Variants in OBI1 observed in about 807,000 individuals in gnomAD.
OBI1 encodes the protein ring finger protein 219.
A neutral mutation model predicts 62.4 loss-of-function variants in OBI1; 59 were observed. The observed-to-expected ratio is 0.95, with a 90% CI of 0.77 to 1.17. OBI1 has a LOEUF of 1.17. OBI1 is among the 50% of genes most tolerant of loss of function. The probability of loss-of-function intolerance (pLI) is 0.00; values close to 1 mark genes in which losing one functional copy is unlikely to be tolerated. For missense variants in OBI1, 875 were observed against 830.9 expected, an observed-to-expected ratio of 1.05 and a Z score of -0.65; for synonymous variants, 302 against 292.8, an observed-to-expected ratio of 1.03 and a Z score of -0.32.
rs775183645 is a variant in OBI1 at position 78,616,263 on chromosome 13, T to A, written c.1498A>T (p.Ser500Cys). 24 of 1,613,636 alleles carry A rather than the reference T, an allele frequency of 1.5e-5. No homozygotes were observed. Among genetic ancestry groups the A allele is most frequent in the Non-Finnish European group, 2.0e-5 (24 of 1,179,724 alleles). ...GATAAACATAAGCCTGATTTCTCAC[T>A]CAATTTTGAAGATATTTCTCCAACA... ...NSVGEISSKL[S>C]EKSGLCLSKR... The change falls in exon 6 of 6, where the codon AGT becomes TGT. Residue 500 changes from serine (S) to cysteine (C), a missense_variant. By Grantham distance (112) the Ser-to-Cys change is moderately radical. Coordinates refer to ENST00000282003, the MANE Select transcript of OBI1 (RefSeq NM_024546.4).
chr13:78,656,729 T>TGGGGGGGGGGGGGGGGGGGGGGGG (rs397851744), intron 1 of OBI1, among the ~76,000 whole-genome samples: 1 of 20,578 alleles, frequency 4.9e-5, no homozygotes, highest in Non-Finnish European at 9.2e-5. Flanking sequence ...CCATGGTACC[T>TGGGGGGGGGGGGGGGGGGGGGGGG]GGGGGGGGGG....
intron 5 of OBI1, among the ~76,000 whole-genome samples, chr13:78,626,727 A>C (rs541313573): frequency 6.6e-6 from 1 of 152,334 alleles, no homozygotes; most frequent in Non-Finnish European, 1.5e-5. Context: ...AGAAGAGGCA[A>C]GGATATTAAA....
At chr13:78,647,510 GAC>G (rs1405416766) in intron 1 of OBI1, among the ~76,000 whole-genome samples, 1 of 152,238 alleles carries the variant, frequency 6.6e-6, no homozygotes. Flanking sequence ...ACTTATTTGT[GAC>G]ACAGATTCCT....
At chr13:78,626,817 C>G (rs1875681885) in intron 5 of OBI1, among the ~76,000 whole-genome samples, 3 of 152,194 alleles carry the variant, frequency 2.0e-5, no homozygotes, top group Non-Finnish European at 4.4e-5. Flanking sequence ...CCTGTAATCC[C>G]AGACTTTGGG....
In OBI1 at chr13:78,642,179, A is replaced by G. The variant is rs780519912; in HGVS notation, c.243T>C (p.His81=). The part of the protein sequence containing the change: ...GTSESEPMLS[H]TVRKHLRKTR... ...TTTTCCGAAGATGCTTCCTGACCGTATGGCTTAGCATAGGTTCACTTTCAC... is the reference window on the plus strand; with the variant it reads ...TTTTCCGAAGATGCTTCCTGACCGTGTGGCTTAGCATAGGTTCACTTTCAC... The change falls in exon 3 of 6, where the codon CAT becomes CAC. Residue 81 remains histidine (H), a synonymous_variant. Coordinates refer to ENST00000282003, the MANE Select transcript of OBI1 (RefSeq NM_024546.4). 1 of 1,609,044 alleles carries G rather than the reference A, an allele frequency of 6.2e-7. No individual in the cohort carries two copies. The highest frequency in any genetic ancestry group is 1.1e-5 in the South Asian group (1 of 90,902).
Position 78,615,768 on chromosome 13 carries a change from C to T in OBI1, c.1993G>A (p.Asp665Asn), listed in dbSNP as rs1299528811. The change falls in exon 6 of 6, where the codon GAT becomes AAT. Residue 665 changes from aspartate to asparagine, a missense_variant. Transcript: ENST00000282003. ...AACAAAGATGACCCAAATCTTTGAT[C>T]TTCAAATAGTCGATGTGAACTGCTT... ...LLSSSHRLFEDQRFGSSLFKM... is the reference protein window; with the variant it reads ...LLSSSHRLFENQRFGSSLFKM... 3.1e-6 allele frequency: 5 copies of T among 1,613,766 alleles called. No homozygotes were observed. The highest frequency in any genetic ancestry group is 4.2e-6 in the Non-Finnish European group (5 of 1,179,970).
intron 5 of OBI1, among the ~76,000 whole-genome samples, chr13:78,627,432 C>A (rs965687709): frequency 1.5e-5 from 2 of 134,382 alleles, no homozygotes; most frequent in Admixed American, 1.4e-4. Context: ...CCCCTCAGCC[C>A]CCACCCCTTA....
At chr13:78,658,232 T>C (rs972161400) in intron 1 of OBI1, among the ~76,000 whole-genome samples, 1 of 152,100 alleles carries the variant, frequency 6.6e-6, no homozygotes, top group Non-Finnish European at 1.5e-5. Context: ...AAGTTGGTGG[T>C]TTATCTTTCC....
At chr13:78,638,714 T>G (rs1426818892) in intron 4 of OBI1, 109 bp downstream of exon 4, 1 of 1,021,238 alleles carries the variant, frequency 9.8e-7, no homozygotes, top group Non-Finnish European at 1.4e-6. Context: ...GATTCTGTCC[T>G]TTCCTCACAA....
intron 1 of OBI1, among the ~76,000 whole-genome samples, chr13:78,651,640 T>C (rs960816531): frequency 6.6e-6 from 1 of 152,138 alleles, no homozygotes; most frequent in African/African-American, 2.4e-5. Context: ...TCCCTCCTTT[T>C]AAGATGCAAA....
rs1876801078 is a variant in OBI1 at position 78,659,060 on chromosome 13, A to C, written c.61T>G (p.Cys21Gly). 1 of 1,613,006 alleles carries C rather than the reference A, an allele frequency of 6.2e-7. No homozygotes were observed. Among genetic ancestry groups the C allele is most frequent in the Admixed American group, 1.7e-5 (1 of 59,906 alleles). ...CAATCACCCATTACCTTCCCCAAGCAAATGTGGCACGTGATGGGCAGAGTG... is the reference window on the plus strand; with the variant it reads ...CAATCACCCATTACCTTCCCCAAGCCAATGTGGCACGTGATGGGCAGAGTG... Reference protein sequence around the residue: ...SLTLPITCHICLGKVRQPVIC... With the variant: ...SLTLPITCHIGLGKVRQPVIC... Residue 21 changes from cysteine (C) to glycine (G), a missense_variant, in exon 1 of 6, where the codon TGC (cysteine) becomes GGC (glycine). Coordinates refer to ENST00000282003, the MANE Select transcript of OBI1 (RefSeq NM_024546.4).
In OBI1 at chr13:78,635,124, GT is replaced by G; in HGVS notation, c.623del (p.Asn208ThrfsTer19). 1 of 1,605,904 alleles carries G rather than the reference GT, an allele frequency of 6.2e-7. No individual in the cohort carries two copies. The highest frequency in any genetic ancestry group is 8.5e-7 in the Non-Finnish European group (1 of 1,174,016). On this transcript the variant is annotated frameshift_variant, in exon 5 of 6. Transcript: ENST00000282003. LOFTEE classifies it high-confidence loss of function. Reference sequence around the variant, plus strand: ...AAAATACATACTTTTGAGGTGATCTGTTATCAACTTCAGCCTTCAGTCGTAA... The same window carrying G: ...AAAATACATACTTTTGAGGTGATCTGTATCAACTTCAGCCTTCAGTCGTAA... Reference protein sequence around the residue: ...ENLRLKAEVDNRSPQKFGRFA... With the variant: ...ENLRLKAEVDXRSPQKFGRFA...
intron 5 of OBI1, among the ~76,000 whole-genome samples, chr13:78,624,266 A>G (rs1193302182): frequency 6.6e-6 from 1 of 152,218 alleles, no homozygotes; most frequent in Non-Finnish European, 1.5e-5. Context: ...GCAAGAATAA[A>G]AAATGCCAGA....
intron 4 of OBI1, 26 bp from the exon 5 acceptor site, chr13:78,635,224 A>G (rs1875988986): frequency 1.5e-6 from 2 of 1,351,192 alleles, no homozygotes; most frequent in African/African-American, 2.9e-5. Context: ...GAAAATAAGT[A>G]AGCAAAAGCT....
Position 78,615,774 on chromosome 13 carries a change from A to G in OBI1, c.1987T>C (p.Phe663Leu), listed in dbSNP as rs1646981693. The change falls in exon 6 of 6, where the codon TTT becomes CTT. Residue 663 changes from phenylalanine to leucine, a missense_variant. Physicochemically the swap from Phe to Leu is conservative, Grantham distance 22. Transcript: ENST00000282003. ...GATGACCCAAATCTTTGATCTTCAA[A>G]TAGTCGATGTGAACTGCTTAACAAA... The part of the protein sequence containing the change: ...GILLSSSHRL[F>L]EDQRFGSSLF... 6.2e-7 allele frequency: 1 copy of G among 1,613,930 alleles called. No homozygotes were observed. The highest frequency in any genetic ancestry group is 8.5e-7 in the Non-Finnish European group (1 of 1,179,966).
At chr13:78,622,434 ATG>A (rs1875541122) in intron 5 of OBI1, among the ~76,000 whole-genome samples, 1 of 152,192 alleles carries the variant, frequency 6.6e-6, no homozygotes, top group Non-Finnish European at 1.5e-5. Flanking sequence ...AAATAAATTT[ATG>A]TGTCTCAAAT....
intron 5 of OBI1, among the ~76,000 whole-genome samples, chr13:78,627,316 A>AC: frequency 6.6e-6 from 1 of 151,596 alleles, no homozygotes; most frequent in East Asian, 1.9e-4. Context: ...TTCTAAAAAA[A>AC]AAAAAAAAAA....
intron 5 of OBI1, among the ~76,000 whole-genome samples, chr13:78,631,935 A>ACAATACCATGTTCTTGAGAC (rs1232299426): frequency 6.6e-6 from 1 of 152,180 alleles, no homozygotes; most frequent in Non-Finnish European, 1.5e-5. Context: ...TCGTTTTTAT[A>ACAATACCATGTTCTTGAGAC]CAATACCATG....
At chr13:78,653,197 C>T (rs1876594661) in intron 1 of OBI1, among the ~76,000 whole-genome samples, 1 of 152,208 alleles carries the variant, frequency 6.6e-6, no homozygotes, top group African/African-American at 2.4e-5. Flanking sequence ...ACATTACTAA[C>T]ATTTTGGACT....
Sources: allele counts gnomAD v4.1 joint callset (sites outside exome capture counted in the v4.1 genomes callset), GRCh38; gene constraint gnomAD v4.1.1; transcripts MANE v1.5; gene names NCBI Gene and HGNC (gene_info 2026-07-23, HGNC 2026-07-21).